The following CNIH3 variants were observed in gnomAD, a reference collection of about 807,000 sequenced individuals.
CNIH3 encodes the protein protein cornichon homolog 3.
Under a neutral mutation model 24.1 loss-of-function variants are expected in CNIH3, and 14 were observed. The ratio of observed to expected loss-of-function variants is 0.58; its 90% CI spans 0.38 to 0.91. The LOEUF is 0.91. Ranked by LOEUF, CNIH3 falls within the 40% of genes least tolerant of loss-of-function variation. The pLI is 0.00. For missense variants in CNIH3, 178 were observed against 196.8 expected (o/e 0.90, Z 0.57); for synonymous variants, 68 against 73.8 (o/e 0.92, Z 0.40).
At chr1:224,534,901 TGCAGGTGCCACCCTG>T (rs1020420054) in intron 2 of CNIH3, among the ~76,000 whole-genome samples, 6 of 152,136 alleles carry the variant, frequency 3.9e-5, no homozygotes, top group Admixed American at 2.0e-4. Context: ...CAGTGGCAGG[TGCAGGTGCCACCCTG>T]GCAGGTACTC....
At chr1:224,605,013 G>A (rs890045435) in intron 3 of CNIH3, among the ~76,000 whole-genome samples, 3 of 152,216 alleles carry the variant, frequency 2.0e-5, no homozygotes, top group African/African-American at 7.2e-5. Flanking sequence ...AATGGGGAAT[G>A]TGTGTGACTG....
At chr1:224,486,390 G>A (rs1677032050) in intron 1 of CNIH3, among the ~76,000 whole-genome samples, 1 of 152,096 alleles carries the variant, frequency 6.6e-6, no homozygotes, top group Non-Finnish European at 1.5e-5. Context: ...TGGGATTACA[G>A]GCATGAGCCA....
chr1:224,616,633 G>C lies in CNIH3; in HGVS notation c.-542G>C, dbSNP rs1170277078. On this transcript the variant is annotated 5_prime_UTR_variant, in exon 1 of 6. Transcript: ENST00000272133. ...ACTCCTTCTCTCGGGAAAGAGCGCT[G>C]CCCGGCTCTGGGATTTGGGAGGAGC... 1 of 987,570 alleles carries C rather than the reference G, an allele frequency of 1.0e-6. No individual in the cohort carries two copies. Among genetic ancestry groups the C allele is most frequent in the Non-Finnish European group, 1.2e-6 (1 of 831,616 alleles). 61.2% of individuals were successfully genotyped at this position (987,570 alleles called of 1,614,324 possible). A position where few individuals can be genotyped will look rare whatever the true frequency, so the allele number is the denominator to read the frequency against.
intron 2 of CNIH3, among the ~76,000 whole-genome samples, chr1:224,544,497 T>C (rs115858068): frequency 2.6e-5 from 4 of 152,340 alleles, no homozygotes; most frequent in African/African-American, 9.6e-5. Flanking sequence ...GCAAAACTGC[T>C]CTATGTTTTT....
At position 224,730,444 on chromosome 1, in the gene CNIH3, T is replaced by C. The variant is rs1207175454; in HGVS notation, c.199-18T>C. The C allele has an allele frequency of 1.3e-6, 2 of 1,507,054 alleles. No homozygotes were observed. Among genetic ancestry groups the C allele is most frequent in the Admixed American group, 3.9e-5 (2 of 50,956 alleles). The allele number at this position is 1,507,054 out of a possible 1,614,324, so 93.4% of individuals were successfully genotyped here. Reference sequence around the variant, plus strand: ...TTTCCTCCTCTAACTCAGGGCCGTGTCTCTGCTCCCTCTTCAGCTGGTGCT... The same window carrying C: ...TTTCCTCCTCTAACTCAGGGCCGTGCCTCTGCTCCCTCTTCAGCTGGTGCT... On this transcript the variant is annotated intron_variant, in intron 3 of 5. Transcript: ENST00000272133.
chr1:224,527,245 C>G (rs927797580), intron 2 of CNIH3, among the ~76,000 whole-genome samples: 4 of 152,172 alleles, frequency 2.6e-5, no homozygotes, highest in African/African-American at 9.7e-5. Context: ...AGGGAGGCAT[C>G]ACAGGGGCTC....
intron 3 of CNIH3, among the ~76,000 whole-genome samples, chr1:224,690,976 C>A (rs1393463573): frequency 2.0e-5 from 3 of 152,196 alleles, no homozygotes; most frequent in African/African-American, 4.8e-5. Context: ...TGAAGTGAGG[C>A]TGCCAGTAGC....
At chr1:224,512,259 G>A (rs1678185550), upstream of CNIH3, among the ~76,000 whole-genome samples, 1 of 151,984 alleles carries the variant, frequency 6.6e-6, no homozygotes. Context: ...CAAGGCAGAG[G>A]ATCGCTTGAG....
chr1:224,565,951 C>T (rs985174701), intron 3 of CNIH3: 1 of 152,094 alleles, frequency 6.6e-6, no homozygotes, highest in Non-Finnish European at 1.5e-5. Flanking sequence ...CTGGCCAGCT[C>T]GTTTCCCTTT....
chr1:224,509,849 C>G (rs1195251168), intron 1 of CNIH3, among the ~76,000 whole-genome samples: 1 of 152,234 alleles, frequency 6.6e-6, no homozygotes, highest in East Asian at 1.9e-4. Flanking sequence ...TCCTTCCCTC[C>G]TCAGAGCTGC....
chr1:224,445,978 T>C (rs1675145614), intron 1 of CNIH3, among the ~76,000 whole-genome samples: 1 of 152,226 alleles, frequency 6.6e-6, no homozygotes, highest in Admixed American at 6.5e-5. Context: ...GAATGTCCAG[T>C]TGACCCACAC....
At chr1:224,557,709 G>A (rs1451491933) in intron 3 of CNIH3, among the ~76,000 whole-genome samples, 2 of 151,798 alleles carry the variant, frequency 1.3e-5, no homozygotes, top group Non-Finnish European at 2.9e-5. Context: ...CACTTGCCTC[G>A]GCCTCCCAAA....
intron 2 of CNIH3, among the ~76,000 whole-genome samples, chr1:224,532,708 T>A (rs922678743): frequency 6.6e-6 from 1 of 152,204 alleles, no homozygotes; most frequent in Non-Finnish European, 1.5e-5. Flanking sequence ...TTAAATGATC[T>A]AGGAGATAAA....
In CNIH3 at chr1:224,484,409, G is replaced by A. The variant is rs183765151; in HGVS notation, n.204-31332G>A. Among the ~76,000 whole-genome samples, 174 of 151,486 alleles carry A rather than the reference G, an allele frequency of 1.1e-3. 3 individuals carry two copies. In the East Asian group the frequency reaches 0.028, roughly 24 times the overall value. On this transcript the variant is annotated intron_variant and non_coding_transcript_variant, in intron 1 of 5. Coordinates refer to the CNIH3 transcript ENST00000471578. ...CACGCCACTGCACTCCAGCCTGGGT[G>A]ACAGAGCGAGACTCTGTTTAAAAAA...
At chr1:224,558,276 A>G (rs956468736) in intron 3 of CNIH3, among the ~76,000 whole-genome samples, 3 of 152,168 alleles carry the variant, frequency 2.0e-5, no homozygotes, top group Non-Finnish European at 2.9e-5. Context: ...GCTTCCCCAC[A>G]TGGAGGTCTC....
At position 224,684,785 on chromosome 1, in the gene CNIH3, C is replaced by T; in HGVS notation, c.151-11C>T. On this transcript the variant is annotated splice_polypyrimidine_tract_variant and intron_variant, in intron 2 of 5. Transcript: ENST00000272133. The surrounding 1 kb of genome is among the most constrained non-coding windows in gnomAD (Gnocchi z 4.2). ...CCTCCCCTCTCATTTCTTTCTTGTG[C>T]ATCCTGATAGAGGGAACGGTTGAGG... The T allele has an allele frequency of 6.8e-6, 11 of 1,613,288 alleles. No homozygotes were observed. The highest frequency in any genetic ancestry group is 1.6e-4 in the Middle Eastern group (1 of 6,062).
chr1:224,732,830 G>A (rs376037029), intron 4 of CNIH3, among the ~76,000 whole-genome samples: 22 of 152,198 alleles, frequency 1.4e-4, no homozygotes, highest in African/African-American at 5.3e-4. Flanking sequence ...TGATCTCTAT[G>A]GAGGAAGGGA....
intron 1 of CNIH3, among the ~76,000 whole-genome samples, chr1:224,637,274 G>A (rs1684135265): frequency 1.3e-5 from 2 of 151,982 alleles, no homozygotes; most frequent in African/African-American, 2.4e-5. Context: ...CTTTACTTGT[G>A]AGCAGATATT....
rs546785475 is a variant in CNIH3, at chr1:224,454,673, T to G, written n.203+19811T>G. On this transcript the variant is annotated intron_variant and non_coding_transcript_variant, in intron 1 of 5. Transcript: ENST00000471578. Reference sequence around the variant, plus strand: ...CTCGTGACTGGCTCAGAAAGTCTTCTGCTTCTGTGTTCACATCAATGATTT... The same window carrying G: ...CTCGTGACTGGCTCAGAAAGTCTTCGGCTTCTGTGTTCACATCAATGATTT... 3.3e-5 allele frequency among the ~76,000 whole-genome samples: 5 copies of G among 152,310 alleles called. No homozygotes were observed. The South Asian group carries it at 1.0e-3, about 32-fold the overall frequency.
Sources: gnomAD v4.1 joint callset for allele counts (sites outside exome capture counted in the v4.1 genomes callset) on GRCh38, gnomAD v4.1.1 for gene constraint, Gnocchi (gnomAD v3.1) non-coding constraint, MANE v1.5 for transcripts, NCBI Gene and HGNC (gene_info 2026-07-23, HGNC 2026-07-21) for gene names.